The following EIF2AK1 variants were observed in gnomAD, a reference collection of about 807,000 sequenced individuals.
The protein encoded by EIF2AK1 is eukaryotic translation initiation factor 2-alpha kinase 1.
Under a neutral mutation model 77.9 loss-of-function variants are expected in EIF2AK1, and 54 were observed. That is an observed-to-expected ratio of 0.69 (90% confidence interval 0.56 to 0.87). EIF2AK1 has a LOEUF of 0.87. Among genes scored for constraint, EIF2AK1 ranks in the 40% least tolerant of loss-of-function variants. The pLI, the probability that EIF2AK1 is intolerant of heterozygous loss-of-function variation, is 0.00. For synonymous variants in EIF2AK1, 314 were observed against 290.5 expected (o/e 1.08, Z -0.82); for missense variants, 810 against 768.6 (o/e 1.05, Z -0.64).
At chr7:6,056,816 T>A (rs183105353) in intron 1 of EIF2AK1, among the ~76,000 whole-genome samples, 200 of 151,686 alleles carry the variant, frequency 1.3e-3, no homozygotes, top group African/African-American at 4.4e-3. Context: ...CACACTTGCA[T>A]GTTTACAGCA....
At chr7:6,041,919 C>T (rs9640011) in intron 8 of EIF2AK1, among the ~76,000 whole-genome samples, 9,755 of 150,820 alleles carry the variant, frequency 0.065, 598 homozygotes, top group East Asian at 0.35. Context: ...TAAACCAAGG[C>T]GGGAGGATTG....
chr7:6,044,394 C>G (rs1788388431), intron 7 of EIF2AK1, among the ~76,000 whole-genome samples, 168 bp downstream of exon 7: 1 of 152,062 alleles, frequency 6.6e-6, no homozygotes, highest in Non-Finnish European at 1.5e-5. Context: ...TGGTGTGAAC[C>G]CAGGAGGCGG....
chr7:6,044,311 A>C (rs1349647303), intron 7 of EIF2AK1, among the ~76,000 whole-genome samples: 1 of 147,652 alleles, frequency 6.8e-6, no homozygotes, highest in Non-Finnish European at 1.5e-5. Context: ...AAAAAATACC[A>C]AAAAAAAAAG....
chr7:6,058,063 CT>C (rs1788839599), intron 1 of EIF2AK1: 1 of 447,778 alleles, frequency 2.2e-6, no homozygotes, highest in Middle Eastern at 3.3e-4. Context: ...GCATCTCTTA[CT>C]CTATGCTAAG....
intron 9 of EIF2AK1, among the ~76,000 whole-genome samples, chr7:6,040,295 T>C (rs965257686): frequency 2.0e-5 from 3 of 152,002 alleles, no homozygotes; most frequent in African/African-American, 7.2e-5. Context: ...TCAGGTGATC[T>C]GCCCTCCTTG....
In EIF2AK1 at chr7:6,023,684, T is replaced by C. The variant is rs1562736624; in HGVS notation, c.*989A>G. The C allele has an allele frequency of 6.2e-7, 1 of 1,614,176 alleles. No individual in the cohort carries two copies. The highest frequency in any genetic ancestry group is 8.5e-7 in the Non-Finnish European group (1 of 1,180,034). On this transcript the variant is annotated 3_prime_UTR_variant, in exon 15 of 15. Transcript: ENST00000199389. ...CCTTTTAACACGGCCCTCAAGCTCC[T>C]TAAGTGAATTGCCGTAACTGATTTT...
chr7:6,048,340 C>A lies in EIF2AK1; in HGVS notation c.449+467G>T, dbSNP rs562188815. Among the ~76,000 whole-genome samples the A allele has an allele frequency of 6.6e-5, 10 of 152,288 alleles. No homozygotes were observed. The South Asian group carries it at 2.1e-3, about 32-fold the overall frequency. Reference sequence around the variant, plus strand: ...GAAATGAAATCACACAATATGTGGCCTTTTATGACTGGCTGTTTTTACTTA... The same window carrying A: ...GAAATGAAATCACACAATATGTGGCATTTTATGACTGGCTGTTTTTACTTA... On this transcript the variant is annotated intron_variant, in intron 4 of 14. Coordinates refer to ENST00000199389, the MANE Select transcript of EIF2AK1 (RefSeq NM_014413.4).
intron 2 of EIF2AK1, among the ~76,000 whole-genome samples, chr7:6,052,648 T>TC (rs1454091334): frequency 6.6e-6 from 1 of 150,802 alleles, no homozygotes; most frequent in Non-Finnish European, 1.5e-5. Context: ...TTTTTTTTTT[T>TC]TTTCTCTAGA....
intron 1 of EIF2AK1, among the ~76,000 whole-genome samples, chr7:6,056,613 A>AAAAAATAT: frequency 1.4e-4 from 6 of 43,736 alleles, no homozygotes; most frequent in African/African-American, 4.1e-4. Context: ...AAAAAAAAAA[A>AAAAAATAT]ATATATATAT....
chr7:6,045,551 A>C (rs1325092410), intron 6 of EIF2AK1, among the ~76,000 whole-genome samples: 1 of 151,850 alleles, frequency 6.6e-6, no homozygotes, highest in East Asian at 1.9e-4. Flanking sequence ...GGTAAGTAAA[A>C]TCACTACCGT....
At chr7:6,039,224 T>C (rs1450896217) in intron 9 of EIF2AK1, among the ~76,000 whole-genome samples, 1 of 152,074 alleles carries the variant, frequency 6.6e-6, no homozygotes, top group Non-Finnish European at 1.5e-5. Context: ...AAGAAAATTT[T>C]CCAAATAAAA....
At position 6,024,820 on chromosome 7, in the gene EIF2AK1, T is replaced by C; in HGVS notation, c.1765-19A>G. 6.8e-7 allele frequency: 1 copy of C among 1,471,232 alleles called. No individual in the cohort carries two copies. Among genetic ancestry groups the C allele is most frequent in the Non-Finnish European group, 9.0e-7 (1 of 1,108,310 alleles). 91.1% of individuals were successfully genotyped at this position (1,471,232 alleles called of 1,614,324 possible). On this transcript the variant is annotated intron_variant, in intron 14 of 14. Coordinates refer to ENST00000199389, the MANE Select transcript of EIF2AK1 (RefSeq NM_014413.4). ...GGTTAACCTGTAAGGAGAAAATATT[T>C]TAAACTCCATTAAAATAACTTTTTT...
At position 6,032,810 on chromosome 7, in the gene EIF2AK1, T is replaced by C. The variant is rs1787954569; in HGVS notation, c.1333-3778A>G. The C allele has an allele frequency of 6.6e-7, 1 of 1,526,210 alleles. No homozygotes were observed. The highest frequency in any genetic ancestry group is 8.9e-7 in the Non-Finnish European group (1 of 1,125,244). The allele number at this position is 1,526,210 out of a possible 1,614,324, so 94.5% of individuals were successfully genotyped here. A position where few individuals can be genotyped will look rare whatever the true frequency, so the allele number is the denominator to read the frequency against. ...AGTATTTTTAACTACACAGGGCCAC[T>C]TGTAATGTGTTTTGTTTTCCCTCCA... On this transcript the variant is annotated intron_variant, in intron 11 of 14. Transcript: ENST00000199389. This position sits in a 1 kb window ranked among gnomAD's most constrained non-coding sequence, Gnocchi z 4.3.
intron 9 of EIF2AK1, 100 bp downstream of exon 9, chr7:6,040,792 A>T (rs1788273743): frequency 1.0e-6 from 1 of 998,966 alleles, no homozygotes; most frequent in South Asian, 1.6e-5. Flanking sequence ...GACTGAACGC[A>T]GGGCAGAAGC....
At chr7:6,026,287 G>T in intron 14 of EIF2AK1, 1 of 381,086 alleles carries the variant, frequency 2.6e-6, no homozygotes, top group South Asian at 1.9e-5. Context: ...CAGACATACA[G>T]ACAGCCCAGA....
At chr7:6,039,237 C>G (rs985006051) in intron 9 of EIF2AK1, among the ~76,000 whole-genome samples, 3 of 152,038 alleles carry the variant, frequency 2.0e-5, no homozygotes, top group African/African-American at 7.2e-5. Flanking sequence ...AAATAAAATA[C>G]AGAGAAATGA....
In EIF2AK1 at chr7:6,054,577, T is replaced by G. The variant is rs767400223; in HGVS notation, c.246A>C (p.Pro82=). 3.1e-6 allele frequency: 5 copies of G among 1,614,152 alleles called. No individual in the cohort carries two copies. Among genetic ancestry groups the G allele is most frequent in the Non-Finnish European group, 3.4e-6 (4 of 1,180,030 alleles). The change falls in exon 2 of 15, where the codon CCA becomes CCC. Residue 82 remains proline (P), a synonymous_variant. Coordinates refer to ENST00000199389, the MANE Select transcript of EIF2AK1 (RefSeq NM_014413.4). ...ACACCTGTCTTGAACGAAGTGGGTT[T>G]GGTTCATGCACGTGGCTCAAGTGCT... ...LLEHLSHVHE[P]NPLRSRQVFK...
In EIF2AK1 at chr7:6,023,038, G is replaced by A; in HGVS notation, c.*1635C>T. On this transcript the variant is annotated 3_prime_UTR_variant, in exon 15 of 15. Transcript: ENST00000199389. ...TTAGGCAGCAGGGATTGGAGCAGGT[G>A]GTCTGAGGTCCCTTCTAGCTTCAGA... The A allele has an allele frequency of 2.6e-6, 1 of 391,796 alleles. No homozygotes were observed. The highest frequency in any genetic ancestry group is 4.5e-6 in the Non-Finnish European group (1 of 220,582). 24.3% of individuals were successfully genotyped at this position (391,796 alleles called of 1,614,324 possible).
intron 10 of EIF2AK1, 114 bp from the exon 11 acceptor site, chr7:6,037,638 G>T (rs2302333): frequency 0.39 from 267,078 of 688,042 alleles, 54,363 homozygotes; most frequent in Middle Eastern, 0.48. Flanking sequence ...GAACAATCTA[G>T]ATTTTCAACA....
Sources: allele counts gnomAD v4.1 joint callset (sites outside exome capture counted in the v4.1 genomes callset), GRCh38; gene constraint gnomAD v4.1.1; non-coding constraint Gnocchi (gnomAD v3.1); transcripts MANE v1.5; gene names NCBI Gene and HGNC (gene_info 2026-07-23, HGNC 2026-07-21).